ABCD3: variants seen among roughly 807,000 people sequenced by gnomAD.
The protein encoded by ABCD3 is ATP-binding cassette sub-family D member 3.
Under a neutral mutation model 105.5 loss-of-function variants are expected in ABCD3, and 41 were observed. The observed-to-expected ratio is 0.39, with a 90% CI of 0.30 to 0.50. The LOEUF (loss-of-function observed/expected upper bound fraction) is 0.50. ABCD3 is among the 20% of genes least tolerant of loss of function. The pLI is 0.84. For missense variants in ABCD3, 622 were observed against 806.3 expected (o/e 0.77, Z 2.77); for synonymous variants, 258 against 269.0 (o/e 0.96, Z 0.40).
intron 3 of ABCD3, among the ~76,000 whole-genome samples, chr1:94,466,099 TAGAC>T (rs1219271628): frequency 6.6e-6 from 1 of 152,188 alleles, no homozygotes; most frequent in Non-Finnish European, 1.5e-5. Flanking sequence ...TTTTCCTAAT[TAGAC>T]AGAGGTAATA....
At chr1:94,420,785 T>G (rs1659228683) in intron 1 of ABCD3, among the ~76,000 whole-genome samples, 1 of 152,202 alleles carries the variant, frequency 6.6e-6, no homozygotes, top group African/African-American at 2.4e-5. Flanking sequence ...TTGAGTGGGC[T>G]TTTGAATATC....
At chr1:94,501,298 A>G (rs1309454281) in intron 20 of ABCD3, among the ~76,000 whole-genome samples, 1 of 151,838 alleles carries the variant, frequency 6.6e-6, no homozygotes, top group Non-Finnish European at 1.5e-5. Flanking sequence ...ATGATCCATA[A>G]TAGAGGCGTT....
At chr1:94,504,576 G>C (rs760097202) in intron 20 of ABCD3, among the ~76,000 whole-genome samples, 13 of 152,182 alleles carry the variant, frequency 8.5e-5, no homozygotes, top group Non-Finnish European at 1.9e-4. Flanking sequence ...AAAGCACCTT[G>C]TTCCTAGCAG....
chr1:94,514,830 T>C, intron 21 of ABCD3: 1 of 294,240 alleles, frequency 3.4e-6, no homozygotes, highest in Admixed American at 4.7e-5. Flanking sequence ...TTTTGACCTT[T>C]GGCTATTTTT....
intron 1 of ABCD3, among the ~76,000 whole-genome samples, chr1:94,442,584 G>T (rs2100917471): frequency 6.6e-6 from 1 of 152,268 alleles, no homozygotes; most frequent in East Asian, 1.9e-4. Flanking sequence ...AATAGTGAAT[G>T]TTCTACCCAA....
At position 94,487,629 on chromosome 1, in the gene ABCD3, GA is replaced by G. The variant is rs765417752; in HGVS notation, c.967+19del. Reference sequence around the variant, plus strand: ...TGCCAAATGTAAGTATATTTTGAAAGAGATGAGATTTGTGGAAAAGGTGAAA... The same window carrying G: ...TGCCAAATGTAAGTATATTTTGAAAGGATGAGATTTGTGGAAAAGGTGAAA... On this transcript the variant is annotated intron_variant, in intron 11 of 22. Transcript: ENST00000370214. 12 of 1,613,104 alleles carry G rather than the reference GA, an allele frequency of 7.4e-6. No homozygotes were observed. The Admixed American group carries it at 1.8e-4, about 25-fold the overall frequency.
At chr1:94,392,584 A>G in the ABCD3 span, among the ~76,000 whole-genome samples, 6 of 152,204 alleles carry the variant, frequency 3.9e-5, 1 homozygote, top group Admixed American at 2.0e-4. Context: ...CTGCCATCCC[A>G]TTGATCACCA....
intron 20 of ABCD3, among the ~76,000 whole-genome samples, chr1:94,501,281 A>AC (rs1342591569): frequency 1.3e-5 from 2 of 151,734 alleles, no homozygotes; most frequent in African/African-American, 4.8e-5. Flanking sequence ...AAAAAAAAAA[A>AC]AAACACATGA....
chr1:94,481,917 G>A (rs927847653), intron 9 of ABCD3: 4 of 152,168 alleles, frequency 2.6e-5, no homozygotes, highest in Non-Finnish European at 2.9e-5. Flanking sequence ...AGGGTACATG[G>A]AAAATAATAG....
chr1:94,458,592 T>C lies in ABCD3; in HGVS notation c.111-15T>C, dbSNP rs147475361. ...ACATAAAGTAAAGCTCTCTCTCTCTTTTTTTCCTCTGCAGTAAGAAAAGTG... is the reference window on the plus strand; with the variant it reads ...ACATAAAGTAAAGCTCTCTCTCTCTCTTTTTCCTCTGCAGTAAGAAAAGTG... On this transcript the variant is annotated splice_polypyrimidine_tract_variant and intron_variant, in intron 1 of 22. Transcript: ENST00000370214. The C allele has an allele frequency of 6.7e-4, 1,080 of 1,609,784 alleles. 6 individuals carry two copies. The African/African-American group carries it at 0.013, about 19-fold the overall frequency.
In ABCD3 at chr1:94,430,513, A is replaced by G. The variant is rs553722521; in HGVS notation, c.110+11925A>G. 2.4e-4 allele frequency among the ~76,000 whole-genome samples: 36 copies of G among 152,288 alleles called. No individual in the cohort carries two copies. In the South Asian group the frequency reaches 7.5e-3, roughly 32 times the overall value. ...TCCTGTGCTGTTCTAGTGATAGTGA[A>G]TAAGTCTCATGCGATCTGATACTTT... On this transcript the variant is annotated intron_variant, in intron 1 of 22. Coordinates refer to ENST00000370214, the MANE Select transcript of ABCD3 (RefSeq NM_002858.4).
chr1:94,421,342 A>G (rs1370822770), intron 1 of ABCD3, among the ~76,000 whole-genome samples: 4 of 152,202 alleles, frequency 2.6e-5, no homozygotes, highest in Non-Finnish European at 4.4e-5. Context: ...GAACATTTCT[A>G]TCCCACCAGA....
intron 10 of ABCD3, among the ~76,000 whole-genome samples, chr1:94,485,942 A>G (rs1649257091): frequency 6.6e-6 from 1 of 152,216 alleles, no homozygotes; most frequent in Non-Finnish European, 1.5e-5. Context: ...CTGTAATCCC[A>G]GCACTTTGGG....
chr1:94,476,196 A>G (rs913056888), intron 7 of ABCD3, among the ~76,000 whole-genome samples: 1 of 152,180 alleles, frequency 6.6e-6, no homozygotes, highest in African/African-American at 2.4e-5. Context: ...AGATGCAAGT[A>G]TATTTCAGTT....
intron 9 of ABCD3, 134 bp from the exon 10 acceptor site, chr1:94,483,036 A>G (rs1180266202): frequency 3.2e-5 from 22 of 682,058 alleles, no homozygotes; most frequent in Non-Finnish European, 5.6e-5. Context: ...CTGTGGCTTG[A>G]GATGCACCAG....
chr1:94,497,129 C>T (rs1649862027), intron 16 of ABCD3, among the ~76,000 whole-genome samples: 2 of 152,128 alleles, frequency 1.3e-5, no homozygotes, highest in South Asian at 4.1e-4. Context: ...GCTTTCCTCA[C>T]CCGCTCCCAA....
At chr1:94,439,348 A>G (rs2100909522) in intron 1 of ABCD3, among the ~76,000 whole-genome samples, 1 of 152,216 alleles carries the variant, frequency 6.6e-6, no homozygotes, top group African/African-American at 2.4e-5. Flanking sequence ...TTCACATTAA[A>G]AAAAAATTCT....
chr1:94,389,479 T>G, the ABCD3 span, among the ~76,000 whole-genome samples: 1 of 152,254 alleles, frequency 6.6e-6, no homozygotes, highest in African/African-American at 2.4e-5. Flanking sequence ...CTTGAGGACA[T>G]GTTCCTGCTG....
intron 5 of ABCD3, among the ~76,000 whole-genome samples, chr1:94,474,643 A>G (rs1166715250): frequency 6.6e-6 from 1 of 152,154 alleles, no homozygotes; most frequent in East Asian, 1.9e-4. Flanking sequence ...GAAAATTTGT[A>G]ATGTAACGAT....
Sources: allele counts gnomAD v4.1 joint callset (sites outside exome capture counted in the v4.1 genomes callset), GRCh38; gene constraint gnomAD v4.1.1; transcripts MANE v1.5; gene names NCBI Gene and HGNC (gene_info 2026-07-23, HGNC 2026-07-21).